Variants in TRAPPC9 observed in about 807,000 individuals in gnomAD.
TRAPPC9 encodes the protein IKK2 binding protein.
A neutral mutation model predicts 124.0 loss-of-function variants in TRAPPC9; 83 were observed. The ratio of observed to expected loss-of-function variants is 0.67; its 90% CI spans 0.56 to 0.80. The LOEUF (loss-of-function observed/expected upper bound fraction) is 0.80, where lower values mean the gene tolerates loss of function less well. Among genes scored for constraint, TRAPPC9 ranks in the 30% least tolerant of loss-of-function variants. The pLI is 0.00. For synonymous variants in TRAPPC9, 638 were observed against 617.5 expected, an observed-to-expected ratio of 1.03 and a Z score of -0.49; for missense variants, 1,302 against 1,508.3, an observed-to-expected ratio of 0.86 and a Z score of 2.27.
chr8:139,948,191 A>G (rs1834388654), intron 19 of TRAPPC9, among the ~76,000 whole-genome samples: 1 of 151,842 alleles, frequency 6.6e-6, no homozygotes, highest in East Asian at 1.9e-4. Context: ...GAAGGGAAAT[A>G]GAAGCGAACA....
chr8:140,242,057 G>A (rs1352860969), intron 16 of TRAPPC9, among the ~76,000 whole-genome samples: 1 of 152,078 alleles, frequency 6.6e-6, no homozygotes, highest in Non-Finnish European at 1.5e-5. Context: ...ATTCCAGGTG[G>A]AGGGAAGAGC....
intron 17 of TRAPPC9, among the ~76,000 whole-genome samples, chr8:140,186,996 C>T (rs953319929): frequency 2.0e-5 from 3 of 152,120 alleles, no homozygotes; most frequent in South Asian, 2.1e-4. Context: ...CACACCCACT[C>T]GATACTCGTC....
chr8:140,399,951 C>T (rs1017952893), intron 6 of TRAPPC9, among the ~76,000 whole-genome samples: 2 of 152,086 alleles, frequency 1.3e-5, no homozygotes, highest in Non-Finnish European at 2.9e-5. Flanking sequence ...AGGTGGTTTC[C>T]CCCATACTGT....
chr8:139,982,568 C>A (rs963173624), intron 19 of TRAPPC9, among the ~76,000 whole-genome samples: 2 of 152,204 alleles, frequency 1.3e-5, no homozygotes, highest in Non-Finnish European at 2.9e-5. Context: ...AACAGACTCA[C>A]CAGGCACCAA....
intron 15 of TRAPPC9, among the ~76,000 whole-genome samples, chr8:140,265,072 A>G (rs1238935615): frequency 1.3e-5 from 2 of 152,232 alleles, no homozygotes; most frequent in Non-Finnish European, 2.9e-5. Flanking sequence ...GACAGAGGCA[A>G]CGAGCAACAG....
chr8:140,052,972 G>T (rs1257279268), intron 17 of TRAPPC9, among the ~76,000 whole-genome samples: 2 of 151,854 alleles, frequency 1.3e-5, no homozygotes. Flanking sequence ...TGATAGGAGT[G>T]GATTCAAATC....
chr8:139,834,322 C>A (rs1194944847), intron 21 of TRAPPC9, among the ~76,000 whole-genome samples: 1 of 152,224 alleles, frequency 6.6e-6, no homozygotes, highest in Non-Finnish European at 1.5e-5. Context: ...TCCATAGCTG[C>A]AAATGGAGAT....
chr8:140,246,431 T>C (rs1034844693), intron 16 of TRAPPC9, among the ~76,000 whole-genome samples: 2 of 152,232 alleles, frequency 1.3e-5, no homozygotes, highest in African/African-American at 4.8e-5. Flanking sequence ...GCTAGGAGAT[T>C]GATAGCTTTT....
chr8:139,807,968 G>T (rs1190816273), intron 21 of TRAPPC9, among the ~76,000 whole-genome samples: 1 of 152,148 alleles, frequency 6.6e-6, no homozygotes, highest in Non-Finnish European at 1.5e-5. Flanking sequence ...GGGTGTGGGG[G>T]CAGGCACAAA....
intron 9 of TRAPPC9, among the ~76,000 whole-genome samples, chr8:140,334,009 T>C (rs11166972): frequency 0.19 from 28,389 of 152,104 alleles, 3,702 homozygotes; most frequent in East Asian, 0.64. Flanking sequence ...TCCCAAAACC[T>C]TACCAAAAAA....
At chr8:140,296,214 C>G (rs1342211783) in intron 11 of TRAPPC9, among the ~76,000 whole-genome samples, 2 of 152,210 alleles carry the variant, frequency 1.3e-5, no homozygotes, top group African/African-American at 2.4e-5. Flanking sequence ...TGCTTAAGCC[C>G]TCTTCAACAA....
At chr8:139,920,116 C>T (rs971496854) in intron 19 of TRAPPC9, among the ~76,000 whole-genome samples, 2 of 152,170 alleles carry the variant, frequency 1.3e-5, no homozygotes, top group Non-Finnish European at 2.9e-5. Flanking sequence ...GAGGCTAAGC[C>T]GGGCGGATCA....
At chr8:140,395,794 C>A (rs1292860821) in intron 7 of TRAPPC9, among the ~76,000 whole-genome samples, 1 of 151,962 alleles carries the variant, frequency 6.6e-6, no homozygotes, top group African/African-American at 2.4e-5. Flanking sequence ...CCTGAGCCCC[C>A]AGACCCACAC....
chr8:140,104,107 G>GT lies in TRAPPC9; in HGVS notation c.2557-80029dup, dbSNP rs1385753873. Among the ~76,000 whole-genome samples, 4 of 152,206 alleles carry GT rather than the reference G, an allele frequency of 2.6e-5. No individual in the cohort carries two copies. The South Asian group carries it at 8.3e-4, about 32-fold the overall frequency. ...GCACTTATCCTGGGTACCAAGCATT[G>GT]TACCATATGCCAGGCTGGAGATGCA... On this transcript the variant is annotated intron_variant, in intron 17 of 22. Transcript: ENST00000438773. This position sits in a 1 kb window ranked among gnomAD's most constrained non-coding sequence, Gnocchi z 4.0.
intron 17 of TRAPPC9, chr8:140,100,428 G>T (rs1161624846): frequency 1.3e-5 from 2 of 152,250 alleles, no homozygotes; most frequent in East Asian, 3.8e-4. Context: ...GTCTTCTACT[G>T]CTGTATGCAG....
intron 20 of TRAPPC9, among the ~76,000 whole-genome samples, chr8:139,899,120 CAAAA>C (rs33927933): frequency 6.6e-5 from 3 of 45,466 alleles, no homozygotes; most frequent in African/African-American, 3.0e-4. Context: ...AACTCCGTCT[CAAAA>C]AAAAAAAAAA....
At chr8:140,421,406 T>C (rs1487772944) in intron 5 of TRAPPC9, among the ~76,000 whole-genome samples, 1 of 152,230 alleles carries the variant, frequency 6.6e-6, no homozygotes. Flanking sequence ...ATTTACTCTG[T>C]TGTGTAACCA....
At chr8:139,900,997 T>TAAATA (rs776384779) in intron 20 of TRAPPC9, among the ~76,000 whole-genome samples, 1 of 115,308 alleles carries the variant, frequency 8.7e-6, no homozygotes, top group Non-Finnish European at 1.7e-5. Context: ...AATAAATAAA[T>TAAATA]AAATAAAATA....
intron 21 of TRAPPC9, among the ~76,000 whole-genome samples, chr8:139,787,545 C>T (rs1822350594): frequency 6.6e-6 from 1 of 152,098 alleles, no homozygotes; most frequent in Admixed American, 6.5e-5. Flanking sequence ...CTTTCAAAGC[C>T]TAATATGGAA....
Sources: gnomAD v4.1 joint callset for allele counts (sites outside exome capture counted in the v4.1 genomes callset) on GRCh38, gnomAD v4.1.1 for gene constraint, Gnocchi (gnomAD v3.1) non-coding constraint, MANE v1.5 for transcripts, NCBI Gene and HGNC (gene_info 2026-07-23, HGNC 2026-07-21) for gene names.